The following SPAST variants were observed in gnomAD, a reference collection of about 807,000 sequenced individuals.
The protein encoded by SPAST is spastic paraplegia 4 (autosomal dominant; spastin).
Under a neutral mutation model 76.6 loss-of-function variants are expected in SPAST, and 30 were observed. The ratio of observed to expected loss-of-function variants is 0.39; its 90% CI spans 0.29 to 0.53. The LOEUF (loss-of-function observed/expected upper bound fraction) is 0.53. Among genes scored for constraint, SPAST ranks in the 20% least tolerant of loss-of-function variants. SPAST has a pLI of 0.68. For missense variants in SPAST, 717 were observed against 770.5 expected (o/e 0.93, Z 0.82); for synonymous variants, 305 against 281.0 (o/e 1.09, Z -0.86).
At chr2:32,110,265 C>G (rs933048740) in intron 4 of SPAST, among the ~76,000 whole-genome samples, 5 of 148,692 alleles carry the variant, frequency 3.4e-5, no homozygotes, top group African/African-American at 1.2e-4. Flanking sequence ...ATTACAGGCA[C>G]GTGGCACCAC....
At position 32,109,864 on chromosome 2, in the gene SPAST, C is replaced by CTATGCATATACATATATAGTTACATATG. The variant is rs1558318915; in HGVS notation, c.683-4771_683-4770insGCATATACATATATAGTTACATATGTAT. On this transcript the variant is annotated intron_variant, in intron 4 of 16. Transcript: ENST00000315285. ...TGCATATACATATATAGTTACATAT[C>CTATGCATATACATATATAGTTACATATG]TATATGCATATACATATATAGTTAC... Among the ~76,000 whole-genome samples, 7 of 84,584 alleles carry CTATGCATATACATATATAGTTACATATG rather than the reference C, an allele frequency of 8.3e-5. No individual in the cohort carries two copies. The East Asian group carries it at 4.6e-3, about 56-fold the overall frequency. The allele number at this position is 84,584 out of a possible 152,430, so 55.5% of individuals were successfully genotyped here.
intron 7 of SPAST, 67 bp downstream of exon 7, chr2:32,116,279 G>A: frequency 1.0e-6 from 1 of 971,970 alleles, no homozygotes; most frequent in Admixed American, 1.7e-5. Flanking sequence ...AGTAGTAGTA[G>A]TAAAGAAATA....
chr2:32,125,878 T>C (rs972956814), intron 7 of SPAST, among the ~76,000 whole-genome samples: 4 of 152,132 alleles, frequency 2.6e-5, no homozygotes, highest in Non-Finnish European at 5.9e-5. Context: ...CAATACACGC[T>C]CCGCCTCCCG....
intron 9 of SPAST, chr2:32,130,509 A>C (rs1679334931): frequency 1.3e-5 from 2 of 152,174 alleles, no homozygotes; most frequent in Admixed American, 1.3e-4. Context: ...ACCTGAGGTC[A>C]GGAGTTCAAA....
chr2:32,110,785 T>G (rs1678552299), intron 4 of SPAST, among the ~76,000 whole-genome samples: 1 of 140,444 alleles, frequency 7.1e-6, no homozygotes, highest in Non-Finnish European at 1.5e-5. Context: ...GTATACTATA[T>G]ATAGTATAGT....
intron 3 of SPAST, among the ~76,000 whole-genome samples, chr2:32,093,385 G>T (rs1428923666): frequency 1.3e-5 from 2 of 151,792 alleles, no homozygotes; most frequent in Non-Finnish European, 2.9e-5. Flanking sequence ...GGGAGGTTGA[G>T]GCATGAGAAT....
chr2:32,111,868 C>G (rs993746794), intron 4 of SPAST, among the ~76,000 whole-genome samples: 6 of 151,106 alleles, frequency 4.0e-5, no homozygotes, highest in Non-Finnish European at 5.9e-5. Context: ...TGCTGTCATT[C>G]TCATACTTGT....
chr2:32,069,611 C>T (rs1263983008), intron 1 of SPAST, among the ~76,000 whole-genome samples: 1 of 148,942 alleles, frequency 6.7e-6, no homozygotes, highest in Non-Finnish European at 1.5e-5. Flanking sequence ...GGCTGGAGTG[C>T]AGTGGCGAGA....
chr2:32,100,347 T>C (rs1678074927), intron 4 of SPAST, among the ~76,000 whole-genome samples: 1 of 151,300 alleles, frequency 6.6e-6, no homozygotes, highest in Non-Finnish European at 1.5e-5. Context: ...TAGCAATAGT[T>C]TCATGTGCAG....
chr2:32,144,238 TA>T, intron 14 of SPAST, among the ~76,000 whole-genome samples: 1 of 152,128 alleles, frequency 6.6e-6, no homozygotes. Flanking sequence ...TCCCCTTATT[TA>T]AAAAAATGTA....
chr2:32,083,251 C>T (rs1195301187), intron 1 of SPAST, among the ~76,000 whole-genome samples: 1 of 152,052 alleles, frequency 6.6e-6, no homozygotes, highest in Admixed American at 6.6e-5. Flanking sequence ...CCACCATGCC[C>T]ATCCTCCTGT....
At chr2:32,108,958 G>A (rs1326105582) in intron 4 of SPAST, among the ~76,000 whole-genome samples, 1 of 151,670 alleles carries the variant, frequency 6.6e-6, no homozygotes, top group African/African-American at 2.4e-5. Context: ...TAGAAACAGA[G>A]TTTCACCATG....
chr2:32,066,285 T>C, intron 1 of SPAST, among the ~76,000 whole-genome samples: 1 of 152,156 alleles, frequency 6.6e-6, no homozygotes, highest in East Asian at 1.9e-4. Flanking sequence ...GCAAGCTCCA[T>C]TCTTTATCAC....
In SPAST at chr2:32,063,980, T is replaced by A. The variant is rs1168673606; in HGVS notation, c.149T>A (p.Leu50Gln). Reference sequence around the variant, plus strand: ...CCCGAGTCGCCGCATAAGCGGAACCTGTACTATTTCTCCTACCCGCTGTTT... The same window carrying A: ...CCCGAGTCGCCGCATAAGCGGAACCAGTACTATTTCTCCTACCCGCTGTTT... ...PPPESPHKRN[L>Q]YYFSYPLFVG... is the part of the protein sequence containing the mutation. The change falls in exon 1 of 17, where the codon CTG becomes CAG. Residue 50 changes from leucine to glutamine, a missense_variant. By Grantham distance (113) the Leu-to-Gln change is moderately radical. This residue lies in a region of SPAST where 543 missense variants were observed against 445.2 expected (regional missense o/e 1.22). Coordinates refer to ENST00000315285, the MANE Select transcript of SPAST (RefSeq NM_014946.4). 6.2e-7 allele frequency: 1 copy of A among 1,612,754 alleles called. No homozygotes were observed. Among genetic ancestry groups the A allele is most frequent in the East Asian group, 2.2e-5 (1 of 44,790 alleles).
chr2:32,139,019 T>C (rs1679630797), intron 12 of SPAST, among the ~76,000 whole-genome samples: 3 of 152,192 alleles, frequency 2.0e-5, no homozygotes, highest in Admixed American at 2.0e-4. Context: ...CTTTGGTTTG[T>C]GTGTCTGTTT....
intron 3 of SPAST, among the ~76,000 whole-genome samples, chr2:32,096,648 A>G (rs1396480079): frequency 1.3e-5 from 2 of 152,234 alleles, no homozygotes; most frequent in Non-Finnish European, 2.9e-5. Context: ...TCCTAGCTAT[A>G]AAAACTAAGA....
rs1676390571 is a variant in SPAST, at chr2:32,063,916, C to G, written c.85C>G (p.Leu29Val). ...GCCTCCCAGGCCTCCGCCCCCTTGC[C>G]TGGCCCCCGCCCCTCCCGCCGCCGG... Reference protein sequence around the residue: ...PVPPRPPPPCLAPAPPAAGPA... With the variant: ...PVPPRPPPPCVAPAPPAAGPA... Residue 29 changes from leucine to valine, a missense_variant, in exon 1 of 17, where the codon CTG (leucine) becomes GTG (valine). Coordinates refer to ENST00000315285, the MANE Select transcript of SPAST (RefSeq NM_014946.4). 1 of 1,588,180 alleles carries G rather than the reference C, an allele frequency of 6.3e-7. No homozygotes were observed. The highest frequency in any genetic ancestry group is 8.6e-7 in the Non-Finnish European group (1 of 1,168,074).
intron 4 of SPAST, among the ~76,000 whole-genome samples, chr2:32,105,765 G>A (rs1024931827): frequency 2.0e-5 from 3 of 152,200 alleles, no homozygotes; most frequent in Admixed American, 2.0e-4. Context: ...AGCGGAGGCT[G>A]CAGAACAGCA....
chr2:32,074,223 AGAC>A (rs1676862335), intron 1 of SPAST, among the ~76,000 whole-genome samples: 1 of 152,194 alleles, frequency 6.6e-6, no homozygotes, highest in South Asian at 2.1e-4. Flanking sequence ...CTAGAAGAAA[AGAC>A]TAGAGTGAGG....
Sources: allele counts gnomAD v4.1 joint callset (sites outside exome capture counted in the v4.1 genomes callset), GRCh38; gene constraint gnomAD v4.1.1; regional missense constraint gnomAD v4.1.1; transcripts MANE v1.5; gene names NCBI Gene and HGNC (gene_info 2026-07-23, HGNC 2026-07-21).